The following ATG7 variants were observed in gnomAD, a reference collection of about 807,000 sequenced individuals.
The protein encoded by ATG7 is autophagy related 7.
In ATG7, 70 loss-of-function variants were observed where a neutral mutation model predicts 82.4. The ratio of observed to expected loss-of-function variants is 0.85; its 90% confidence interval spans 0.70 to 1.04. ATG7 has a LOEUF of 1.04. Among genes scored for constraint, ATG7 ranks in the 50% least tolerant of loss-of-function variants. The pLI is 0.00. For missense variants in ATG7, 792 were observed against 864.3 expected (o/e 0.92, Z 1.05); for synonymous variants, 287 against 313.0 (o/e 0.92, Z 0.88).
At chr3:11,311,343 C>T (rs1437203097) in intron 7 of ATG7, among the ~76,000 whole-genome samples, 1 of 152,014 alleles carries the variant, frequency 6.6e-6, no homozygotes, top group Non-Finnish European at 1.5e-5. Context: ...GTGGTTCATG[C>T]CTGTAATTCT....
chr3:11,362,638 A>G (rs928591846), intron 16 of ATG7, among the ~76,000 whole-genome samples, 175 bp from the exon 17 acceptor site: 6 of 152,104 alleles, frequency 3.9e-5, no homozygotes, highest in African/African-American at 1.4e-4. Context: ...TAAATTGTAT[A>G]TTTTGTTTAT....
chr3:11,480,781 G>T (rs1477886891), intron 20 of ATG7, among the ~76,000 whole-genome samples: 1 of 152,214 alleles, frequency 6.6e-6, no homozygotes, highest in Non-Finnish European at 1.5e-5. Flanking sequence ...GTCAAGGAAG[G>T]CTTTCCTGGG....
intron 19 of ATG7, among the ~76,000 whole-genome samples, chr3:11,422,434 G>C (rs77928941): frequency 8.6e-4 from 131 of 152,284 alleles, no homozygotes; most frequent in Non-Finnish European, 1.6e-3. Flanking sequence ...CTAGCTTCCA[G>C]CTGTGCCTCT....
intron 20 of ATG7, among the ~76,000 whole-genome samples, chr3:11,535,661 G>A (rs1478827636): frequency 6.6e-6 from 1 of 152,122 alleles, no homozygotes; most frequent in Non-Finnish European, 1.5e-5. Flanking sequence ...TCCCTCTGAG[G>A]AGGGCTCGGC....
At chr3:11,519,796 TG>T (rs2092395197) in intron 20 of ATG7, among the ~76,000 whole-genome samples, 3 of 151,886 alleles carry the variant, frequency 2.0e-5, no homozygotes, top group Non-Finnish European at 4.4e-5. Flanking sequence ...CTCCTGACCT[TG>T]TGATCCGCCC....
chr3:11,467,163 C>A (rs1390827390), intron 20 of ATG7, among the ~76,000 whole-genome samples: 1 of 151,916 alleles, frequency 6.6e-6, no homozygotes, highest in African/African-American at 2.4e-5. Flanking sequence ...CTGATGGCTT[C>A]TTAACCCTAT....
In ATG7 at chr3:11,458,853, A is replaced by AAGCGAGCGTT. The variant is rs57511051; in HGVS notation, c.2079+31934_2079+31935insGTTAGCGAGC. Among the ~76,000 whole-genome samples, 73 of 152,304 alleles carry AAGCGAGCGTT rather than the reference A, an allele frequency of 4.8e-4. No individual in the cohort carries two copies. In the East Asian group the frequency reaches 0.014, roughly 29 times the overall value. On this transcript the variant is annotated intron_variant, in intron 20 of 20. Transcript: ENST00000693202. Reference sequence around the variant, plus strand: ...TCGCGCAGCTGTAGGTGAGCGGGGCAAGCGAGCATTAACGCCTGTGCTCTG... The same window carrying AAGCGAGCGTT: ...TCGCGCAGCTGTAGGTGAGCGGGGCAAGCGAGCGTTAGCGAGCATTAACGCCTGTGCTCTG...
intron 20 of ATG7, among the ~76,000 whole-genome samples, chr3:11,427,436 C>G (rs2082457695): frequency 6.6e-6 from 1 of 151,598 alleles, no homozygotes; most frequent in Non-Finnish European, 1.5e-5. Flanking sequence ...GAGAGTTATG[C>G]TTTGTTTCTC....
Position 11,557,509 on chromosome 3 carries a change from C to T in ATG7, c.*2666C>T, listed in dbSNP as rs1021971307. On this transcript the variant is annotated 3_prime_UTR_variant, in exon 21 of 21. Coordinates refer to ENST00000693202, the MANE Select transcript of ATG7 (RefSeq NM_001349232.2). ...CAAACTCCAGCATCCCACACCGCAG[C>T]TGACCCACTGCTCATCGCGAGGGCC... 6.6e-6 allele frequency: 1 copy of T among 152,552 alleles called. No individual in the cohort carries two copies. The highest frequency in any genetic ancestry group is 2.4e-5 in the African/African-American group (1 of 41,466). 9.4% of individuals were successfully genotyped at this position (152,552 alleles called of 1,614,324 possible).
chr3:11,523,184 C>G (rs2124929053), intron 20 of ATG7, among the ~76,000 whole-genome samples: 1 of 152,278 alleles, frequency 6.6e-6, no homozygotes, highest in South Asian at 2.1e-4. Flanking sequence ...GTCATGATGA[C>G]TGTTCTATAT....
chr3:11,573,256 AAAG>A, the ATG7 span, among the ~76,000 whole-genome samples: 1 of 7,630 alleles, frequency 1.3e-4, no homozygotes, highest in Non-Finnish European at 2.0e-4. Context: ...AGAAAGAAAG[AAAG>A]AAAGAAAGAA....
intron 19 of ATG7, among the ~76,000 whole-genome samples, chr3:11,404,088 T>C (rs1418712446): frequency 2.6e-5 from 4 of 151,920 alleles, no homozygotes; most frequent in Admixed American, 2.6e-4. Flanking sequence ...ATTTAAACAT[T>C]TTGATTTTTA....
At chr3:11,472,169 G>T (rs2087616906) in intron 20 of ATG7, among the ~76,000 whole-genome samples, 1 of 152,162 alleles carries the variant, frequency 6.6e-6, no homozygotes, top group Non-Finnish European at 1.5e-5. Context: ...AAAAATTCAT[G>T]GAGAGTTCTA....
chr3:11,390,179 A>G (rs1301641777), intron 19 of ATG7, among the ~76,000 whole-genome samples: 1 of 152,244 alleles, frequency 6.6e-6, no homozygotes. Context: ...ACCTTCCATA[A>G]AATTGCTAAT....
intron 18 of ATG7, among the ~76,000 whole-genome samples, chr3:11,367,036 A>C (rs2076670757): frequency 6.8e-6 from 1 of 148,056 alleles, no homozygotes; most frequent in South Asian, 2.1e-4. Context: ...CATTGTTTCA[A>C]GTTTCAAGCC....
chr3:11,274,184 C>A (rs908873630), intron 1 of ATG7, among the ~76,000 whole-genome samples: 3 of 152,092 alleles, frequency 2.0e-5, no homozygotes, highest in Admixed American at 2.0e-4. Flanking sequence ...TTTTTCGTTC[C>A]CAGCCAGCAT....
chr3:11,341,580 TG>T (rs1953635739), intron 12 of ATG7, among the ~76,000 whole-genome samples: 2 of 152,200 alleles, frequency 1.3e-5, no homozygotes, highest in Middle Eastern at 3.4e-3. Context: ...CCTGAGTAGC[TG>T]GGATTACAGG....
intron 20 of ATG7, among the ~76,000 whole-genome samples, chr3:11,515,634 T>A (rs1290190239): frequency 6.6e-6 from 1 of 152,186 alleles, no homozygotes; most frequent in Non-Finnish European, 1.5e-5. Context: ...AATGGTGACA[T>A]GGGGCAGTGG....
At chr3:11,537,209 A>G (rs1351700191) in intron 20 of ATG7, among the ~76,000 whole-genome samples, 1 of 151,740 alleles carries the variant, frequency 6.6e-6, no homozygotes, top group East Asian at 1.9e-4. Flanking sequence ...CTTCCTTCCC[A>G]TCTTTCAGAG....
Sources: allele counts gnomAD v4.1 joint callset (sites outside exome capture counted in the v4.1 genomes callset), GRCh38; gene constraint gnomAD v4.1.1; transcripts MANE v1.5; gene names NCBI Gene and HGNC (gene_info 2026-07-23, HGNC 2026-07-21).